The following PAK3 variants were observed in gnomAD, a reference collection of about 807,000 sequenced individuals.
PAK3 encodes the protein serine/threonine-protein kinase PAK 3.
A neutral mutation model predicts 41.0 loss-of-function variants in PAK3; 4 were observed. The ratio of observed to expected loss-of-function variants is 0.10; its 90% confidence interval spans 0.05 to 0.22. The LOEUF (loss-of-function observed/expected upper bound fraction) is 0.22. PAK3 is among the 10% of genes least tolerant of loss of function. PAK3 has a pLI of 1.00. For missense variants in PAK3, 205 were observed against 409.9 expected, an observed-to-expected ratio of 0.50 and a Z score of 4.32; for synonymous variants, 146 against 139.6, an observed-to-expected ratio of 1.05 and a Z score of -0.32.
At chrX:111,028,027 G>GTGTATATATATACACATATATATA (rs57456281) in intron 1 of PAK3, among the ~76,000 whole-genome samples, 3 of 97,885 alleles carry the variant, frequency 3.1e-5, no homozygotes, top group East Asian at 3.1e-4. Flanking sequence ...ACATATATAT[G>GTGTATATATATACACATATATATA]TGTGTATATA....
chrX:111,033,339 G>A (rs2092360233), intron 1 of PAK3, among the ~76,000 whole-genome samples: 1 of 111,361 alleles, frequency 9.0e-6, no homozygotes, highest in South Asian at 3.8e-4. Flanking sequence ...CATCTCTACA[G>A]ATCCAAACAC....
intron 8 of PAK3, among the ~76,000 whole-genome samples, chrX:111,155,541 A>G (rs1457283144): frequency 1.8e-5 from 2 of 109,970 alleles, no homozygotes; most frequent in Non-Finnish European, 3.8e-5. Context: ...AGTATTACAT[A>G]TCATAAAATA....
intron 1 of PAK3, among the ~76,000 whole-genome samples, chrX:111,029,317 G>A (rs778502741): frequency 6.3e-5 from 7 of 111,187 alleles, no homozygotes; most frequent in African/African-American, 2.3e-4. Context: ...GTTGACCCTG[G>A]AACCATATGG....
At chrX:110,948,567 C>T (rs141849194) in intron 1 of PAK3, among the ~76,000 whole-genome samples, 121 of 112,070 alleles carry the variant, frequency 1.1e-3, no homozygotes, top group African/African-American at 3.1e-3. Flanking sequence ...CCCTTGACTG[C>T]TATTAATTCC....
intron 1 of PAK3, among the ~76,000 whole-genome samples, chrX:110,958,983 A>G (rs2090924179): frequency 8.9e-6 from 1 of 112,376 alleles, no homozygotes; most frequent in African/African-American, 3.2e-5. Flanking sequence ...GATATATATT[A>G]TTTGATATAG....
intron 7 of PAK3, 159 bp downstream of exon 7, chrX:111,148,049 T>C (rs2093973988): frequency 8.4e-6 from 1 of 119,087 alleles, no homozygotes; most frequent in African/African-American, 3.2e-5. Context: ...GAATTTGAGG[T>C]TGATGTTAAG....
intron 1 of PAK3, among the ~76,000 whole-genome samples, chrX:110,958,429 A>G (rs1264112108): frequency 8.9e-6 from 1 of 111,782 alleles, no homozygotes; most frequent in Non-Finnish European, 1.9e-5. Flanking sequence ...CTAGGAGGCC[A>G]TGACAGTAGT....
Position 111,224,900 on chromosome X carries a change from C to A in PAK3, c.*4453C>A, listed in dbSNP as rs1214334585. 1 of 112,010 alleles carries A rather than the reference C, an allele frequency of 8.9e-6. No homozygotes were observed. Among genetic ancestry groups the A allele is most frequent in the East Asian group, 2.8e-4 (1 of 3,597 alleles). The allele number at this position is 112,010 out of a possible 1,213,427, so 9.2% of individuals were successfully genotyped here. On this transcript the variant is annotated 3_prime_UTR_variant, in exon 18 of 18. Transcript: ENST00000372007. The stretch of plus-strand genomic sequence containing the variant: ...TTAGGGGAGTCTTAACCCTGCCATC[C>A]CCGGTTGAATCTCTTGGTCTTTATC...
rs891296868 is a variant in PAK3 at position 111,221,478 on chromosome X, A to G, written c.*1031A>G. On this transcript the variant is annotated 3_prime_UTR_variant, in exon 18 of 18. Transcript: ENST00000372007. ...GTTGGACATTAAGTAAACAAAGATA[A>G]TGATACCTAAATTAATCCTCTCTTG... The G allele has an allele frequency of 3.6e-5, 4 of 112,499 alleles. No individual in the cohort carries two copies. The highest frequency in any genetic ancestry group is 4.6e-3 in the Middle Eastern group (1 of 218). The allele number at this position is 112,499 out of a possible 1,213,427, so 9.3% of individuals were successfully genotyped here. A position where few individuals can be genotyped will look rare whatever the true frequency, so the allele number is the denominator to read the frequency against.
chrX:110,977,229 ATATATG>A (rs2091356316), intron 1 of PAK3, among the ~76,000 whole-genome samples: 2 of 110,147 alleles, frequency 1.8e-5, no homozygotes, highest in South Asian at 3.8e-4. Context: ...TATATAAGAT[ATATATG>A]TATAAGATAT....
At chrX:111,152,695 A>G in intron 8 of PAK3, 1 of 276,350 alleles carries the variant, frequency 3.6e-6, no homozygotes, top group East Asian at 6.6e-5. Flanking sequence ...AAAATCCTTC[A>G]TACCTACTTA....
intron 4 of PAK3, among the ~76,000 whole-genome samples, chrX:111,112,189 C>T (rs933423500): frequency 4.5e-5 from 5 of 111,024 alleles, no homozygotes; most frequent in Non-Finnish European, 7.5e-5. Context: ...CTTGTAGAAA[C>T]GCATATTAAA....
intron 1 of PAK3, among the ~76,000 whole-genome samples, chrX:111,008,203 T>C (rs901056676): frequency 1.8e-5 from 2 of 112,367 alleles, no homozygotes; most frequent in African/African-American, 6.5e-5. Flanking sequence ...AGTTGCTTTG[T>C]TTTACCTCTC....
At chrX:111,150,133 A>G (rs998558566) in intron 7 of PAK3, among the ~76,000 whole-genome samples, 3 of 111,818 alleles carry the variant, frequency 2.7e-5, no homozygotes, top group African/African-American at 9.8e-5. Context: ...TCTTTGCTAA[A>G]ACATAACAAG....
chrX:111,109,540 T>A (rs2093333071), intron 4 of PAK3, among the ~76,000 whole-genome samples: 1 of 112,062 alleles, frequency 8.9e-6, no homozygotes, highest in Admixed American at 9.4e-5. Context: ...CTTGCAGAAA[T>A]GTGTCCTGTT....
intron 1 of PAK3, among the ~76,000 whole-genome samples, chrX:111,022,029 T>C (rs1473955199): frequency 8.9e-6 from 1 of 111,980 alleles, no homozygotes. Context: ...TTTGAGACTA[T>C]GTTAAACATC....
At chrX:111,217,456 A>G (rs1297096743) in intron 17 of PAK3, 1 of 883,968 alleles carries the variant, frequency 1.1e-6, no homozygotes, top group Non-Finnish European at 1.5e-6. Flanking sequence ...CAGAAGGTGC[A>G]ACACTTGGTT....
intron 7 of PAK3, among the ~76,000 whole-genome samples, chrX:111,150,369 C>T (rs1179806610): frequency 8.9e-6 from 1 of 111,951 alleles, no homozygotes; most frequent in Non-Finnish European, 1.9e-5. Context: ...TATTGGGTAT[C>T]TTTTTAGCAA....
chrX:110,971,811 T>C (rs1287914280), intron 1 of PAK3, among the ~76,000 whole-genome samples: 1 of 112,533 alleles, frequency 8.9e-6, no homozygotes, highest in African/African-American at 3.2e-5. Context: ...AGTTTTATTT[T>C]GTACATTTAC....
Sources: allele counts gnomAD v4.1 joint callset (sites outside exome capture counted in the v4.1 genomes callset), GRCh38; gene constraint gnomAD v4.1.1; transcripts MANE v1.5; gene names NCBI Gene and HGNC (gene_info 2026-07-23, HGNC 2026-07-21).